DMD: variants seen among roughly 807,000 people sequenced by gnomAD.
DMD encodes the protein mutant dystrophin.
A neutral mutation model predicts 330.1 loss-of-function variants in DMD; 63 were observed. That is an observed-to-expected ratio of 0.19 (90% confidence interval 0.16 to 0.24). The LOEUF is 0.24. Ranked by LOEUF, DMD falls within the 10% of genes least tolerant of loss-of-function variation. The probability of loss-of-function intolerance (pLI) is 1.00; values close to 1 mark genes in which losing one functional copy is unlikely to be tolerated. For synonymous variants in DMD, 1,223 were observed against 959.8 expected, an observed-to-expected ratio of 1.27 and a Z score of -5.07; for missense variants, 3,344 against 2,684.1, an observed-to-expected ratio of 1.25 and a Z score of -5.43.
chrX:32,130,593 A>G (rs2096687396), intron 44 of DMD, among the ~76,000 whole-genome samples: 2 of 111,660 alleles, frequency 1.8e-5, no homozygotes, highest in African/African-American at 6.5e-5. Flanking sequence ...GATGCATGCC[A>G]GATCTCTCCC....
chrX:33,204,267 G>T (rs1274601788), intron 1 of DMD, among the ~76,000 whole-genome samples: 3 of 111,637 alleles, frequency 2.7e-5, no homozygotes, highest in Non-Finnish European at 5.6e-5. Context: ...TGAATGATTG[G>T]ACCCCAGTCG....
intron 57 of DMD, among the ~76,000 whole-genome samples, chrX:31,484,768 G>A (rs1246456318): frequency 9.0e-6 from 1 of 111,683 alleles, no homozygotes; most frequent in Admixed American, 9.5e-5. Context: ...TGGCCAACCG[G>A]GTGACTGATT....
At chrX:32,696,394 T>C (rs1346145712) in intron 9 of DMD, among the ~76,000 whole-genome samples, 4 of 112,542 alleles carry the variant, frequency 3.6e-5, no homozygotes, top group Non-Finnish European at 1.9e-5. Flanking sequence ...ATTTGTGCTG[T>C]GTCTTTTTTA....
At chrX:33,281,455 C>T (rs1052151954) in intron 1 of DMD, among the ~76,000 whole-genome samples, 8 of 111,405 alleles carry the variant, frequency 7.2e-5, no homozygotes, top group African/African-American at 2.6e-4. Context: ...GTGATCCGGT[C>T]GCCGGGGTCT....
chrX:32,556,608 C>G (rs1219797937), intron 16 of DMD, among the ~76,000 whole-genome samples: 1 of 111,575 alleles, frequency 9.0e-6, no homozygotes, highest in African/African-American at 3.2e-5. Flanking sequence ...ACATTTACAC[C>G]AAGGAATACT....
intron 7 of DMD, among the ~76,000 whole-genome samples, chrX:32,793,158 A>C (rs1440925686): frequency 5.3e-5 from 6 of 112,351 alleles, no homozygotes; most frequent in African/African-American, 1.9e-4. Context: ...CTGTACAAAA[A>C]CATGGAAATT....
At chrX:32,601,091 C>G (rs975591304) in intron 12 of DMD, among the ~76,000 whole-genome samples, 8 of 110,948 alleles carry the variant, frequency 7.2e-5, no homozygotes, top group African/African-American at 2.6e-4. Flanking sequence ...CTTCTACCAC[C>G]TCTACACTGG....
At chrX:32,784,400 G>A (rs1187423107) in intron 7 of DMD, among the ~76,000 whole-genome samples, 1 of 111,871 alleles carries the variant, frequency 8.9e-6, no homozygotes, top group Non-Finnish European at 1.9e-5. Context: ...ACCCATCTGT[G>A]CAAACGTGTG....
At chrX:32,216,629 A>T (rs768663199) in intron 44 of DMD, among the ~76,000 whole-genome samples, 12 of 111,248 alleles carry the variant, frequency 1.1e-4, no homozygotes, top group Non-Finnish European at 1.7e-4. Context: ...AAGCCACAAA[A>T]CACCTTGCTG....
At chrX:31,828,270 C>T (rs1380268558) in intron 49 of DMD, among the ~76,000 whole-genome samples, 10 of 111,940 alleles carry the variant, frequency 8.9e-5, no homozygotes, top group African/African-American at 3.2e-4. Context: ...TTCACTACTA[C>T]TATGAACACC....
intron 1 of DMD, among the ~76,000 whole-genome samples, chrX:33,041,907 A>G (rs2094308492): frequency 9.4e-6 from 1 of 106,226 alleles, no homozygotes; most frequent in Non-Finnish European, 1.9e-5. Context: ...AAAAATCCAT[A>G]CGTGATGTGT....
At chrX:32,484,408 GA>G (rs777915032) in intron 21 of DMD, among the ~76,000 whole-genome samples, 1 of 112,009 alleles carries the variant, frequency 8.9e-6, no homozygotes, top group Admixed American at 9.5e-5. Context: ...ATCATCAAAG[GA>G]AAAAATAGGA....
intron 1 of DMD, among the ~76,000 whole-genome samples, chrX:33,163,095 A>C (rs1352091969): frequency 9.0e-6 from 1 of 111,705 alleles, no homozygotes; most frequent in East Asian, 2.8e-4. Context: ...AAATTTGTAC[A>C]ATATATACAA....
chrX:31,934,499 G>A (rs770583656), intron 45 of DMD, among the ~76,000 whole-genome samples: 1 of 111,671 alleles, frequency 9.0e-6, no homozygotes, highest in Non-Finnish European at 1.9e-5. Context: ...GACATAGTAA[G>A]TGTATGTACT....
chrX:31,536,199 A>T (rs1013497476), intron 55 of DMD, among the ~76,000 whole-genome samples: 2 of 111,429 alleles, frequency 1.8e-5, no homozygotes, highest in Non-Finnish European at 3.8e-5. Context: ...CTCCACTAGA[A>T]TCTCCTCATT....
intron 38 of DMD, among the ~76,000 whole-genome samples, chrX:32,346,379 C>A (rs1156730522): frequency 9.0e-6 from 1 of 110,850 alleles, no homozygotes; most frequent in Non-Finnish European, 1.9e-5. Context: ...TGAAAGTATT[C>A]TTTTGGCTTT....
intron 63 of DMD, among the ~76,000 whole-genome samples, chrX:31,240,586 T>C (rs2048157952): frequency 9.0e-6 from 1 of 111,608 alleles, no homozygotes; most frequent in African/African-American, 3.3e-5. Flanking sequence ...TATTGTACAA[T>C]GGAAAAACTA....
At chrX:31,241,329 C>G (rs1437240302) in intron 63 of DMD, among the ~76,000 whole-genome samples, 1 of 111,371 alleles carries the variant, frequency 9.0e-6, no homozygotes, top group Admixed American at 9.6e-5. Flanking sequence ...CCTATTTTCT[C>G]TGAGCCTCAT....
chrX:32,288,213 C>G (rs774308952), intron 42 of DMD, among the ~76,000 whole-genome samples: 3 of 111,620 alleles, frequency 2.7e-5, no homozygotes, highest in African/African-American at 6.5e-5. Flanking sequence ...CTTAATATGA[C>G]GCAAACAAAA....
Sources: gnomAD v4.1 joint callset for allele counts (sites outside exome capture counted in the v4.1 genomes callset) on GRCh38, gnomAD v4.1.1 for gene constraint, MANE v1.5 for transcripts, NCBI Gene and HGNC (gene_info 2026-07-23, HGNC 2026-07-21) for gene names.